SLC16A7: variants seen among roughly 807,000 people sequenced by gnomAD.
The protein encoded by SLC16A7 is monocarboxylate transporter 2.
Under a neutral mutation model 34.9 loss-of-function variants are expected in SLC16A7, and 33 were observed. That is an observed-to-expected ratio of 0.94 (90% CI 0.72 to 1.26). The LOEUF (loss-of-function observed/expected upper bound fraction) is 1.26, where lower values mean the gene tolerates loss of function less well. SLC16A7 is among the 50% of genes most tolerant of loss of function. The pLI is 0.00. For synonymous variants in SLC16A7, 201 were observed against 206.6 expected, an observed-to-expected ratio of 0.97 and a Z score of 0.23; for missense variants, 573 against 578.1, an observed-to-expected ratio of 0.99 and a Z score of 0.09.
intron 3 of SLC16A7, among the ~76,000 whole-genome samples, chr12:59,713,685 C>T (rs768557910): frequency 1.2e-4 from 19 of 152,156 alleles, no homozygotes; most frequent in Non-Finnish European, 2.8e-4. Context: ...AGATTTGACC[C>T]TAAGGGGACG....
chr12:59,772,688 G>A (rs901237660), intron 4 of SLC16A7, among the ~76,000 whole-genome samples: 10 of 151,874 alleles, frequency 6.6e-5, no homozygotes, highest in Non-Finnish European at 1.2e-4. Flanking sequence ...TTATACTTTC[G>A]TTGTCTATAA....
intron 2 of SLC16A7, among the ~76,000 whole-genome samples, chr12:59,669,584 C>G (rs1869500323): frequency 2.0e-5 from 3 of 150,922 alleles, no homozygotes; most frequent in Admixed American, 2.0e-4. Flanking sequence ...TTCCTTTAGC[C>G]CAGTATTAGG....
intron 5 of SLC16A7, among the ~76,000 whole-genome samples, chr12:59,778,888 A>AAGGATCAAGTGAGCTATTAC (rs1205335833): frequency 6.6e-6 from 1 of 152,156 alleles, no homozygotes; most frequent in Non-Finnish European, 1.5e-5. Flanking sequence ...TACTCCTTGT[A>AAGGATCAAGTGAGCTATTAC]AGGATCAAGT....
intron 2 of SLC16A7, among the ~76,000 whole-genome samples, chr12:59,699,276 C>G (rs988709024): frequency 6.6e-6 from 1 of 151,348 alleles, no homozygotes; most frequent in African/African-American, 2.4e-5. Flanking sequence ...AAGCTTTTTT[C>G]CTTTGGTGTA....
chr12:59,731,261 A>G (rs1471191897), intron 3 of SLC16A7, among the ~76,000 whole-genome samples: 1 of 152,232 alleles, frequency 6.6e-6, no homozygotes, highest in Admixed American at 6.5e-5. Context: ...GGTAGAAAAC[A>G]GTGACATTTT....
intron 1 of SLC16A7, among the ~76,000 whole-genome samples, chr12:59,634,531 AG>A (rs934132461): frequency 3.3e-5 from 5 of 151,986 alleles, no homozygotes; most frequent in African/African-American, 1.2e-4. Context: ...GGGGGATTCC[AG>A]CCAAACCAAC....
chr12:59,693,635 A>G (rs1421293667), intron 2 of SLC16A7, among the ~76,000 whole-genome samples: 2 of 151,934 alleles, frequency 1.3e-5, no homozygotes, highest in African/African-American at 2.4e-5. Context: ...ACAGGTGTAA[A>G]TAAGCTGGAA....
Position 59,775,344 on chromosome 12 carries a change from G to A in SLC16A7, c.1049G>A (p.Gly350Glu). ...TTATATGCTGTATTTTTTGGCCTTGGATTTGGGAGTGTTAGCAGTGTTCTC... is the reference window on the plus strand; with the variant it reads ...TTATATGCTGTATTTTTTGGCCTTGAATTTGGGAGTGTTAGCAGTGTTCTC... ...LVLYAVFFGL[G>E]FGSVSSVLFE... The change falls in exon 5 of 6, where the codon GGA becomes GAA. Residue 350 changes from glycine to glutamate, a missense_variant. By Grantham distance (98) the Gly-to-Glu change is moderately conservative. Coordinates refer to ENST00000547379, the MANE Select transcript of SLC16A7 (RefSeq NM_001270623.2). 1.2e-6 allele frequency: 2 copies of A among 1,614,140 alleles called. No homozygotes were observed. Among genetic ancestry groups the A allele is most frequent in the East Asian group, 4.5e-5 (2 of 44,876 alleles).
At chr12:59,624,563 TCA>T (rs1304371017) in intron 1 of SLC16A7, among the ~76,000 whole-genome samples, 1 of 151,794 alleles carries the variant, frequency 6.6e-6, no homozygotes. Context: ...GTCTGGGGCA[TCA>T]CACAACATTG....
intron 3 of SLC16A7, among the ~76,000 whole-genome samples, chr12:59,730,220 A>G (rs1307389954): frequency 6.6e-6 from 1 of 151,996 alleles, no homozygotes; most frequent in African/African-American, 2.4e-5. Context: ...AAGAAAAAAA[A>G]AAAACACTTC....
In SLC16A7 at chr12:59,727,067, A is replaced by G. The variant is rs1055760077; in HGVS notation, c.217+22049A>G. Among the ~76,000 whole-genome samples, 10 of 151,562 alleles carry G rather than the reference A, an allele frequency of 6.6e-5. 1 individual carries two copies. The highest frequency in any genetic ancestry group is 2.4e-4 in the African/African-American group (10 of 41,306). On this transcript the variant is annotated intron_variant, in intron 3 of 5. Transcript: ENST00000547379. ...AAAACTTGTCAGTATCTATCCAAAC[A>G]CTGACTGGTGTTGGAGGAACTTTAG...
intron 1 of SLC16A7, among the ~76,000 whole-genome samples, chr12:59,617,973 C>G (rs1001552592): frequency 2.0e-5 from 3 of 151,808 alleles, no homozygotes; most frequent in African/African-American, 7.2e-5. Context: ...CTGGTAAAAG[C>G]TTTTAATTAC....
chr12:59,776,939 C>T (rs185675021), intron 5 of SLC16A7, among the ~76,000 whole-genome samples: 20 of 152,148 alleles, frequency 1.3e-4, no homozygotes, highest in Admixed American at 3.3e-4. Context: ...TCTTTTCATA[C>T]GGAATTAGTT....
chr12:59,626,378 G>A (rs1185203555), intron 1 of SLC16A7, among the ~76,000 whole-genome samples: 1 of 151,652 alleles, frequency 6.6e-6, no homozygotes, highest in Admixed American at 6.6e-5. Context: ...ACTCAAAAAT[G>A]TATAAATAAA....
In SLC16A7 at chr12:59,783,687, T is replaced by G. The variant is rs541122878; in HGVS notation, c.*4008T>G. On this transcript the variant is annotated 3_prime_UTR_variant, in exon 6 of 6. Coordinates refer to ENST00000547379, the MANE Select transcript of SLC16A7 (RefSeq NM_001270623.2). ...TTTTTTTGAGACTGAGTCTCGTTCTTGTCGCCCAGGCTGGCGTGCAGTGGC... is the reference window on the plus strand; with the variant it reads ...TTTTTTTGAGACTGAGTCTCGTTCTGGTCGCCCAGGCTGGCGTGCAGTGGC... The G allele has an allele frequency of 6.6e-6, 1 of 151,512 alleles. No individual in the cohort carries two copies. Among genetic ancestry groups the G allele is most frequent in the Non-Finnish European group, 1.5e-5 (1 of 67,908 alleles). 9.4% of individuals were successfully genotyped at this position (151,512 alleles called of 1,614,324 possible).
chr12:59,776,602 T>A (rs1464387279), intron 5 of SLC16A7, among the ~76,000 whole-genome samples: 6 of 152,192 alleles, frequency 3.9e-5, no homozygotes, highest in Non-Finnish European at 4.4e-5. Flanking sequence ...GTTTTCTACA[T>A]GACATCAAGG....
intron 1 of SLC16A7, among the ~76,000 whole-genome samples, chr12:59,641,838 T>C (rs928631661): frequency 6.6e-6 from 1 of 152,024 alleles, no homozygotes; most frequent in African/African-American, 2.4e-5. Context: ...AGAATGTCTT[T>C]GTGGCCCTTT....
intron 1 of SLC16A7, among the ~76,000 whole-genome samples, chr12:59,650,553 T>C (rs1313001242): frequency 6.6e-6 from 1 of 152,152 alleles, no homozygotes; most frequent in Non-Finnish European, 1.5e-5. Flanking sequence ...CAAAGAGTGA[T>C]TGAGAGGACT....
intron 1 of SLC16A7, among the ~76,000 whole-genome samples, chr12:59,647,513 T>C (rs994199753): frequency 6.6e-6 from 1 of 152,186 alleles, no homozygotes; most frequent in African/African-American, 2.4e-5. Flanking sequence ...CCTTTATAAA[T>C]TATCCTGTCT....
Sources: gnomAD v4.1 joint callset for allele counts (sites outside exome capture counted in the v4.1 genomes callset) on GRCh38, gnomAD v4.1.1 for gene constraint, MANE v1.5 for transcripts, NCBI Gene and HGNC (gene_info 2026-07-23, HGNC 2026-07-21) for gene names.